PRKG1: variants seen among roughly 807,000 people sequenced by gnomAD.
PRKG1 encodes the protein cGMP-dependent protein kinase 1.
In PRKG1, 35 loss-of-function variants were observed where a neutral mutation model predicts 88.1. The ratio of observed to expected loss-of-function variants is 0.40; its 90% CI spans 0.30 to 0.53. The LOEUF (loss-of-function observed/expected upper bound fraction) is 0.53. Among genes scored for constraint, PRKG1 ranks in the 20% least tolerant of loss-of-function variants. PRKG1 has a pLI of 0.59. For synonymous variants in PRKG1, 303 were observed against 292.5 expected (o/e 1.04, Z -0.37); for missense variants, 540 against 839.8 (o/e 0.64, Z 4.41).
chr10:51,828,310 G>GA (rs200903065), intron 4 of PRKG1, among the ~76,000 whole-genome samples: 4 of 150,788 alleles, frequency 2.7e-5, no homozygotes, highest in South Asian at 2.1e-4. Flanking sequence ...ATCCTCACGT[G>GA]AAAAAAAAAT....
intron 10 of PRKG1, among the ~76,000 whole-genome samples, chr10:52,258,850 G>T (rs974689191): frequency 1.3e-5 from 2 of 152,020 alleles, no homozygotes; most frequent in Non-Finnish European, 2.9e-5. Context: ...ATTTGAAATT[G>T]ATGGAATAGA....
chr10:51,280,591 ACTT>A (rs1480732880), intron 2 of PRKG1, among the ~76,000 whole-genome samples: 1 of 151,196 alleles, frequency 6.6e-6, no homozygotes, highest in East Asian at 1.9e-4. Flanking sequence ...TTTTCTCTAA[ACTT>A]CTCGCTTCAT....
chr10:51,941,888 A>G (rs915713268), intron 5 of PRKG1, among the ~76,000 whole-genome samples: 4 of 151,816 alleles, frequency 2.6e-5, no homozygotes, highest in Non-Finnish European at 2.9e-5. Context: ...AGTCTTTGCT[A>G]TTGTGAATAG....
At chr10:52,174,532 T>A (rs1838801972) in intron 9 of PRKG1, among the ~76,000 whole-genome samples, 1 of 152,018 alleles carries the variant, frequency 6.6e-6, no homozygotes, top group Admixed American at 6.6e-5. Flanking sequence ...TTTAATTACT[T>A]ATCAAGATGT....
intron 1 of PRKG1, among the ~76,000 whole-genome samples, chr10:51,054,955 TAAG>T (rs1228394150): frequency 6.6e-6 from 1 of 152,184 alleles, no homozygotes; most frequent in Admixed American, 6.5e-5. Context: ...ACTATAATAA[TAAG>T]AGCTCAGTAA....
intron 2 of PRKG1, among the ~76,000 whole-genome samples, chr10:51,424,723 G>A (rs1050317860): frequency 1.1e-4 from 16 of 152,056 alleles, no homozygotes; most frequent in Admixed American, 3.9e-4. Context: ...CTATCTTAGT[G>A]TTTATATTTC....
intron 2 of PRKG1, among the ~76,000 whole-genome samples, chr10:51,410,269 T>C (rs987698318): frequency 6.9e-6 from 1 of 145,200 alleles, no homozygotes; most frequent in African/African-American, 2.6e-5. Context: ...TATATATATA[T>C]ATGTGTGTGT....
Position 52,015,289 on chromosome 10 carries a change from C to T in PRKG1, c.763-39195C>T, listed in dbSNP as rs193300179. On this transcript the variant is annotated intron_variant, in intron 5 of 17. Coordinates refer to ENST00000373980, the MANE Select transcript of PRKG1 (RefSeq NM_006258.4). ...TCCTGCCTACCCATAGACACAACAC[C>T]ATGTGGAAGCTGCCACGGTTTGGGG... is the stretch of plus-strand genomic sequence containing the variant. Among the ~76,000 whole-genome samples the T allele has an allele frequency of 3.2e-3, 483 of 152,326 alleles. 4 individuals are homozygous for T. Among genetic ancestry groups the T allele is most frequent in the African/African-American group, 0.01 (435 of 41,570 alleles).
At chr10:51,682,915 A>T (rs72797347) in intron 3 of PRKG1, among the ~76,000 whole-genome samples, 3 of 152,230 alleles carry the variant, frequency 2.0e-5, no homozygotes, top group Non-Finnish European at 4.4e-5. Context: ...GTTAAAGAAT[A>T]TCATTGAAAA....
At chr10:51,732,315 C>A (rs1032446145) in intron 3 of PRKG1, among the ~76,000 whole-genome samples, 1 of 152,084 alleles carries the variant, frequency 6.6e-6, no homozygotes, top group Non-Finnish European at 1.5e-5. Flanking sequence ...CTTCACAGGC[C>A]CTGTCTCCAC....
chr10:52,185,031 C>T (rs1839153963), intron 9 of PRKG1: 1 of 152,172 alleles, frequency 6.6e-6, no homozygotes, highest in Non-Finnish European at 1.5e-5. Flanking sequence ...TGCTGGCCCC[C>T]TAAATCTTAT....
chr10:51,872,225 A>G (rs1225485867), intron 4 of PRKG1, among the ~76,000 whole-genome samples: 1 of 152,264 alleles, frequency 6.6e-6, no homozygotes. Context: ...CAGTTCTGCA[A>G]TTTCTTAGCT....
At chr10:51,727,749 A>G (rs1026993184) in intron 3 of PRKG1, among the ~76,000 whole-genome samples, 1 of 152,142 alleles carries the variant, frequency 6.6e-6, no homozygotes, top group Non-Finnish European at 1.5e-5. Flanking sequence ...ATGAGGGGTA[A>G]ATGACTGTTT....
chr10:51,529,448 T>G (rs1841960897), intron 3 of PRKG1, among the ~76,000 whole-genome samples: 1 of 152,186 alleles, frequency 6.6e-6, no homozygotes, highest in Non-Finnish European at 1.5e-5. Flanking sequence ...TTACCTAAGA[T>G]GCTCTTCCTA....
At chr10:51,775,420 C>G (rs1838408437) in intron 3 of PRKG1, among the ~76,000 whole-genome samples, 1 of 152,004 alleles carries the variant, frequency 6.6e-6, no homozygotes, top group East Asian at 1.9e-4. Flanking sequence ...TAACTTTCTC[C>G]TACTTTGAAA....
intron 9 of PRKG1, among the ~76,000 whole-genome samples, chr10:52,169,062 G>A (rs765978625): frequency 1.6e-4 from 24 of 152,070 alleles, no homozygotes; most frequent in Non-Finnish European, 3.2e-4. Flanking sequence ...AGAGTGAGAG[G>A]AGCATGGCAC....
At chr10:52,119,211 C>T (rs535129925) in intron 7 of PRKG1, among the ~76,000 whole-genome samples, 1 of 152,218 alleles carries the variant, frequency 6.6e-6, no homozygotes, top group South Asian at 2.1e-4. Flanking sequence ...ATCTCAAGAG[C>T]ATTGAAGACC....
intron 2 of PRKG1, among the ~76,000 whole-genome samples, chr10:51,283,513 T>A (rs1003521547): frequency 6.6e-6 from 1 of 152,230 alleles, no homozygotes; most frequent in East Asian, 1.9e-4. Context: ...TTTAATCAAT[T>A]TCACTGAGAT....
chr10:52,245,780 T>TTA (rs1564530774), intron 9 of PRKG1, among the ~76,000 whole-genome samples: 24 of 149,172 alleles, frequency 1.6e-4, no homozygotes, highest in African/African-American at 6.0e-4. Flanking sequence ...TTTATTTATT[T>TTA]ATTTATTTAT....
Sources: allele counts gnomAD v4.1 joint callset (sites outside exome capture counted in the v4.1 genomes callset), GRCh38; gene constraint gnomAD v4.1.1; transcripts MANE v1.5; gene names NCBI Gene and HGNC (gene_info 2026-07-23, HGNC 2026-07-21).